The following KIF13A variants were observed in gnomAD, a reference collection of about 807,000 sequenced individuals.
The protein encoded by KIF13A is kinesin family member 13A.
Under a neutral mutation model 212.2 loss-of-function variants are expected in KIF13A, and 79 were observed. The ratio of observed to expected loss-of-function variants is 0.37; its 90% confidence interval spans 0.31 to 0.45. The LOEUF is 0.45. Among genes scored for constraint, KIF13A ranks in the 20% least tolerant of loss-of-function variants. The pLI, the probability that KIF13A is intolerant of heterozygous loss-of-function variation, is 1.00. For synonymous variants in KIF13A, 789 were observed against 808.6 expected (o/e 0.98, Z 0.41); for missense variants, 1,901 against 2,209.0 (o/e 0.86, Z 2.79).
intron 2 of KIF13A, among the ~76,000 whole-genome samples, chr6:17,986,583 AT>A (rs1241193343): frequency 6.6e-6 from 1 of 152,180 alleles, no homozygotes; most frequent in African/African-American, 2.4e-5. Context: ...CTTTTGCTTT[AT>A]TTTTTCCTCC....
Position 17,771,965 on chromosome 6 carries a change from T to C in KIF13A, c.4419A>G (p.Val1473=), listed in dbSNP as rs953433360. The part of the protein sequence containing the change: ...PPKFFKPLMP[V]KEEHKKRIAL... ...CTATCCTTTTCTTATGCTCCTCTTTTACAGGCATTAGGGGCTTGAAAAACT... is the reference window on the plus strand; with the variant it reads ...CTATCCTTTTCTTATGCTCCTCTTTCACAGGCATTAGGGGCTTGAAAAACT... Residue 1473 remains valine (V), a synonymous_variant, in exon 37 of 39, where the codon GTA becomes GTG. Transcript: ENST00000259711. This position sits in a 1 kb window ranked among gnomAD's most constrained non-coding sequence, Gnocchi z 5.4. The C allele has an allele frequency of 8.7e-6, 14 of 1,613,914 alleles. No homozygotes were observed. Among genetic ancestry groups the C allele is most frequent in the African/African-American group, 1.3e-5 (1 of 74,942 alleles).
At chr6:17,854,932 T>TA (rs907326775) in intron 6 of KIF13A, among the ~76,000 whole-genome samples, 3 of 151,798 alleles carry the variant, frequency 2.0e-5, no homozygotes, top group South Asian at 2.1e-4. Context: ...ATCACCTAGT[T>TA]AAAAAAAATA....
At chr6:17,778,518 T>G (rs1256420412) in intron 33 of KIF13A, among the ~76,000 whole-genome samples, 2 of 152,102 alleles carry the variant, frequency 1.3e-5, no homozygotes, top group Admixed American at 1.3e-4. Context: ...GTCTAAAAAT[T>G]AGGGAGATAG....
At chr6:17,814,258 T>A (rs1763718592) in intron 17 of KIF13A, among the ~76,000 whole-genome samples, 1 of 135,636 alleles carries the variant, frequency 7.4e-6, no homozygotes, top group Non-Finnish European at 1.6e-5. Context: ...GCTTTTTTTT[T>A]TTTTTTTTTT....
In KIF13A at chr6:17,828,226, T is replaced by C; in HGVS notation, c.1532+14A>G. 6.2e-7 allele frequency: 1 copy of C among 1,608,858 alleles called. No homozygotes were observed. The highest frequency in any genetic ancestry group is 8.5e-7 in the Non-Finnish European group (1 of 1,177,402). On this transcript the variant is annotated intron_variant, in intron 14 of 38. Transcript: ENST00000259711. The surrounding 1 kb of genome is among the most constrained non-coding windows in gnomAD (Gnocchi z 4.3). ...GCACACAAGACACGTGAAGTCACCA[T>C]TTACTTTTCTTACCTTGCATTTTCT... is the stretch of plus-strand genomic sequence containing the variant.
At position 17,971,974 on chromosome 6, in the gene KIF13A, A is replaced by C. The variant is rs1384534359; in HGVS notation, c.146+15080T>G. Among the ~76,000 whole-genome samples, 1 of 152,214 alleles carries C rather than the reference A, an allele frequency of 6.6e-6. No homozygotes were observed. The highest frequency in any genetic ancestry group is 2.4e-5 in the African/African-American group (1 of 41,462). On this transcript the variant is annotated intron_variant, in intron 2 of 38. Coordinates refer to ENST00000259711, the MANE Select transcript of KIF13A (RefSeq NM_022113.6). The surrounding 1 kb of genome is among the most constrained non-coding windows in gnomAD (Gnocchi z 4.2). ...AATTTTTGAACACTATTTCCAATGC[A>C]TAATTCATCATAAAAATGTAGACTA...
At chr6:17,791,849 G>A (rs573830609) in intron 25 of KIF13A, among the ~76,000 whole-genome samples, 15 of 147,348 alleles carry the variant, frequency 1.0e-4, no homozygotes, top group African/African-American at 1.5e-4. Flanking sequence ...GCAGTGAGCC[G>A]AGATTGTGCC....
At chr6:17,766,530 G>A (rs1164360406) in intron 38 of KIF13A, among the ~76,000 whole-genome samples, 2 of 152,066 alleles carry the variant, frequency 1.3e-5, no homozygotes, top group Non-Finnish European at 2.9e-5. Flanking sequence ...GAGACACCGT[G>A]CCCGGCTAGG....
Position 17,961,814 on chromosome 6 carries a change from A to G in KIF13A, c.146+25240T>C, listed in dbSNP as rs1778838644. On this transcript the variant is annotated intron_variant, in intron 2 of 38. Coordinates refer to ENST00000259711, the MANE Select transcript of KIF13A (RefSeq NM_022113.6). The surrounding 1 kb of genome is among the most constrained non-coding windows in gnomAD (Gnocchi z 4.1). ...ACCAGGCGTCTTACCTCTAGTTTCA[A>G]ATTCTTCTCTTATTCTCACCTAAGC... 6.6e-6 allele frequency among the ~76,000 whole-genome samples: 1 copy of G among 152,124 alleles called. No individual in the cohort carries two copies. The highest frequency in any genetic ancestry group is 6.6e-5 in the Admixed American group (1 of 15,266).
rs1314279712 is a variant in KIF13A, at chr6:17,852,039, A to G, written c.498T>C (p.Ser166=). The stretch of plus-strand genomic sequence containing the variant: ...GTTCTCGAACTTTAAGAGACTGTCT[A>G]CTCCTGCGGGAGGGAGGAAAAAGGA... The part of the protein sequence containing the change: ...KVRDLLDPKG[S]RQSLKVREHK... The change falls in exon 7 of 39, where the codon AGT becomes AGC. Residue 166 remains serine (S), a synonymous_variant. Transcript: ENST00000259711. 4 of 1,489,694 alleles carry G rather than the reference A, an allele frequency of 2.7e-6. No individual in the cohort carries two copies. The East Asian group carries it at 1.0e-4, about 38-fold the overall frequency. The allele number at this position is 1,489,694 out of a possible 1,614,324, so 92.3% of individuals were successfully genotyped here. A position where few individuals can be genotyped will look rare whatever the true frequency, so the allele number is the denominator to read the frequency against.
chr6:17,912,483 C>G lies in KIF13A; in HGVS notation c.147-14303G>C, dbSNP rs1774163373. Among the ~76,000 whole-genome samples, 1 of 152,212 alleles carries G rather than the reference C, an allele frequency of 6.6e-6. No individual in the cohort carries two copies. Among genetic ancestry groups the G allele is most frequent in the Non-Finnish European group, 1.5e-5 (1 of 68,034 alleles). ...ACTTCAAGCTCCCTGCACTTGGAGC[C>G]TGGACTTCCCTGGCTTCCAACTGTT... On this transcript the variant is annotated intron_variant, in intron 2 of 38. Transcript: ENST00000259711. This position sits in a 1 kb window ranked among gnomAD's most constrained non-coding sequence, Gnocchi z 4.2.
intron 25 of KIF13A, among the ~76,000 whole-genome samples, chr6:17,793,296 G>T (rs1014439583): frequency 6.6e-6 from 1 of 151,886 alleles, no homozygotes; most frequent in Non-Finnish European, 1.5e-5. Context: ...TGGTCAGGCT[G>T]GTCTCGAACT....
rs1295133537 is a variant in KIF13A, at chr6:17,961,576, T to A, written c.146+25478A>T. Reference sequence around the variant, plus strand: ...ACTGTATTTATAGTAGAGATGTTATTGAAGATATTGTTCTCTAAATAACAC... The same window carrying A: ...ACTGTATTTATAGTAGAGATGTTATAGAAGATATTGTTCTCTAAATAACAC... On this transcript the variant is annotated intron_variant, in intron 2 of 38. Coordinates refer to ENST00000259711, the MANE Select transcript of KIF13A (RefSeq NM_022113.6). The surrounding 1 kb of genome is among the most constrained non-coding windows in gnomAD (Gnocchi z 4.1). Among the ~76,000 whole-genome samples, 4 of 152,314 alleles carry A rather than the reference T, an allele frequency of 2.6e-5. No individual in the cohort carries two copies. The highest frequency in any genetic ancestry group is 9.6e-5 in the African/African-American group (4 of 41,576).
At chr6:17,885,055 C>T (rs1412957011) in intron 3 of KIF13A, among the ~76,000 whole-genome samples, 3 of 151,994 alleles carry the variant, frequency 2.0e-5, no homozygotes, top group African/African-American at 4.8e-5. Flanking sequence ...CTTTTAATGC[C>T]AAGTTTCAAT....
Position 17,900,960 on chromosome 6 carries a change from C to A in KIF13A, c.147-2780G>T, listed in dbSNP as rs1338482246. Reference sequence around the variant, plus strand: ...GGGCGTGGTGGCGGGTGCCTGTAGTCCCAGCTACTTGGGAGGCTGAGGCAG... The same window carrying A: ...GGGCGTGGTGGCGGGTGCCTGTAGTACCAGCTACTTGGGAGGCTGAGGCAG... On this transcript the variant is annotated intron_variant, in intron 2 of 38. Transcript: ENST00000259711. This position sits in a 1 kb window ranked among gnomAD's most constrained non-coding sequence, Gnocchi z 4.6. Among the ~76,000 whole-genome samples, 8 of 151,852 alleles carry A rather than the reference C, an allele frequency of 5.3e-5. No homozygotes were observed. Among genetic ancestry groups the A allele is most frequent in the Non-Finnish European group, 1.0e-4 (7 of 67,978 alleles).
intron 38 of KIF13A, among the ~76,000 whole-genome samples, chr6:17,767,195 C>A (rs1359383643): frequency 6.6e-6 from 1 of 152,152 alleles, no homozygotes; most frequent in Non-Finnish European, 1.5e-5. Flanking sequence ...ATTGTCTGAA[C>A]CAGTAGCCTT....
At chr6:17,832,962 C>T (rs995729113) in intron 12 of KIF13A, among the ~76,000 whole-genome samples, 23 of 133,364 alleles carry the variant, frequency 1.7e-4, no homozygotes, top group Middle Eastern at 5.3e-3. Flanking sequence ...TGCAGTGAGC[C>T]GAGATTGCGC....
chr6:17,761,360 C>G (rs368381205), downstream of KIF13A, among the ~76,000 whole-genome samples: 1 of 151,922 alleles, frequency 6.6e-6, no homozygotes, highest in Non-Finnish European at 1.5e-5. Flanking sequence ...GGACTACGGG[C>G]GTGAGCCACT....
chr6:17,798,224 A>G (rs1762207628), intron 22 of KIF13A, among the ~76,000 whole-genome samples: 1 of 152,184 alleles, frequency 6.6e-6, no homozygotes, highest in South Asian at 2.1e-4. Context: ...AAAAACTCCA[A>G]GATCACAAGA....
Sources: allele counts gnomAD v4.1 joint callset (sites outside exome capture counted in the v4.1 genomes callset), GRCh38; gene constraint gnomAD v4.1.1; non-coding constraint Gnocchi (gnomAD v3.1); transcripts MANE v1.5; gene names NCBI Gene and HGNC (gene_info 2026-07-23, HGNC 2026-07-21).